Variants in ADAMTS19 observed in about 807,000 individuals in gnomAD.
The protein encoded by ADAMTS19 is ADAM metallopeptidase with thrombospondin type 1 motif 19, also known as A disintegrin and metalloproteinase with thrombospondin motifs 19.
Under a neutral mutation model 153.3 loss-of-function variants are expected in ADAMTS19, and 93 were observed. That is an observed-to-expected ratio of 0.61 (90% CI 0.51 to 0.72). The LOEUF is 0.72. Among genes scored for constraint, ADAMTS19 ranks in the 30% least tolerant of loss-of-function variants. ADAMTS19 has a pLI of 0.00. For synonymous variants in ADAMTS19, 600 were observed against 556.6 expected (o/e 1.08, Z -1.10); for missense variants, 1,482 against 1,552.1 (o/e 0.95, Z 0.76).
At chr5:129,522,332 C>CACATATATATATATAT (rs1309115957) in intron 3 of ADAMTS19, among the ~76,000 whole-genome samples, 41 of 58,604 alleles carry the variant, frequency 7.0e-4, no homozygotes, top group African/African-American at 9.8e-4. Context: ...CACACACACA[C>CACATATATATATATAT]ATATATATAT....
intron 7 of ADAMTS19, among the ~76,000 whole-genome samples, chr5:129,559,836 AC>A (rs1392651787): frequency 1.3e-5 from 2 of 152,182 alleles, no homozygotes; most frequent in Non-Finnish European, 2.9e-5. Flanking sequence ...TTTTTAAAAC[AC>A]ACAAGATGTT....
intron 2 of ADAMTS19, among the ~76,000 whole-genome samples, chr5:129,466,938 T>G (rs1445007274): frequency 1.3e-5 from 2 of 152,254 alleles, no homozygotes; most frequent in Non-Finnish European, 2.9e-5. Flanking sequence ...TGTAGAATGC[T>G]TGATTTTAAA....
At chr5:129,661,719 A>C (rs1416367579) in intron 15 of ADAMTS19, among the ~76,000 whole-genome samples, 1 of 152,240 alleles carries the variant, frequency 6.6e-6, no homozygotes, top group Non-Finnish European at 1.5e-5. Context: ...AGAGGAATAA[A>C]AGGCAAATTA....
At chr5:129,657,002 C>A (rs1753576205) in intron 14 of ADAMTS19, among the ~76,000 whole-genome samples, 2 of 152,214 alleles carry the variant, frequency 1.3e-5, no homozygotes, top group Non-Finnish European at 2.9e-5. Context: ...CTTTTCTTCT[C>A]AATCCAGGAC....
chr5:129,479,171 C>G (rs1299921345), intron 2 of ADAMTS19, among the ~76,000 whole-genome samples: 4 of 152,084 alleles, frequency 2.6e-5, no homozygotes, highest in Non-Finnish European at 5.9e-5. Context: ...TTGTATATGT[C>G]ATGAAGATAC....
intron 18 of ADAMTS19, among the ~76,000 whole-genome samples, chr5:129,688,420 G>A (rs1755184562): frequency 6.6e-6 from 1 of 151,536 alleles, no homozygotes; most frequent in African/African-American, 2.4e-5. Context: ...GTAATAAGTG[G>A]GAAAATAAAC....
chr5:129,690,265 C>A (rs1463055582), intron 18 of ADAMTS19, among the ~76,000 whole-genome samples: 1 of 152,198 alleles, frequency 6.6e-6, no homozygotes, highest in Non-Finnish European at 1.5e-5. Context: ...TACCTCGGTG[C>A]AAAGGCACCC....
chr5:129,516,760 A>T (rs936682275), intron 3 of ADAMTS19, among the ~76,000 whole-genome samples: 1 of 148,744 alleles, frequency 6.7e-6, no homozygotes, highest in Non-Finnish European at 1.5e-5. Context: ...TGTTTTATTG[A>T]TTTTTTTTGT....
rs184364137 is a variant in ADAMTS19 at position 129,462,285 on chromosome 5, C to A, written c.747+528C>A. 3.9e-5 allele frequency among the ~76,000 whole-genome samples: 6 copies of A among 152,304 alleles called. No homozygotes were observed. The East Asian group carries it at 1.2e-3, about 29-fold the overall frequency. On this transcript the variant is annotated intron_variant, in intron 2 of 22. Coordinates refer to ENST00000274487, the MANE Select transcript of ADAMTS19 (RefSeq NM_133638.6). ...GAATTTAAACACATCCAGAGTCATA[C>A]TGGACACCTGTTCACTGTTCTTGTG... is the stretch of plus-strand genomic sequence containing the variant.
At chr5:129,674,490 T>G (rs1754466699) in intron 16 of ADAMTS19, among the ~76,000 whole-genome samples, 2 of 152,142 alleles carry the variant, frequency 1.3e-5, no homozygotes, top group Non-Finnish European at 2.9e-5. Context: ...TTCTCTGGCT[T>G]CTGTTGGACT....
At chr5:129,661,573 C>T (rs1753814302) in intron 15 of ADAMTS19, among the ~76,000 whole-genome samples, 1 of 152,134 alleles carries the variant, frequency 6.6e-6, no homozygotes, top group Non-Finnish European at 1.5e-5. Context: ...TGTTTTCAGT[C>T]CCTGTGCTCT....
chr5:129,506,934 C>T (rs1209494544), intron 2 of ADAMTS19, among the ~76,000 whole-genome samples: 1 of 151,362 alleles, frequency 6.6e-6, no homozygotes, highest in Non-Finnish European at 1.5e-5. Context: ...TCCAAATAAC[C>T]CTATGAAGTT....
intron 3 of ADAMTS19, among the ~76,000 whole-genome samples, chr5:129,521,238 G>C (rs1751786993): frequency 6.6e-6 from 1 of 152,020 alleles, no homozygotes; most frequent in Admixed American, 6.6e-5. Context: ...TAATCAAAAT[G>C]TAATAGTTTG....
rs1442337062 is a variant in ADAMTS19, at chr5:129,578,079, C to CACACACAT, written c.1373-18479_1373-18478insCACACATA. 4.0e-4 allele frequency among the ~76,000 whole-genome samples: 35 copies of CACACACAT among 88,490 alleles called. 2 individuals carry two copies. The highest frequency in any genetic ancestry group is 2.5e-3 in the Admixed American group (21 of 8,274). 58.1% of individuals were successfully genotyped at this position (88,490 alleles called of 152,430 possible). On this transcript the variant is annotated intron_variant, in intron 7 of 22. Transcript: ENST00000274487. Reference sequence around the variant, plus strand: ...ACACACACACACACACACACACACACATATATACATATACATACATATACA... The same window carrying CACACACAT: ...ACACACACACACACACACACACACACACACACATATATATACATATACATACATATACA...
intron 2 of ADAMTS19, among the ~76,000 whole-genome samples, chr5:129,493,927 A>G (rs951159098): frequency 2.6e-5 from 4 of 152,040 alleles, no homozygotes; most frequent in African/African-American, 7.2e-5. Flanking sequence ...TGTCTATTTC[A>G]TAAGAATCAC....
intron 8 of ADAMTS19, among the ~76,000 whole-genome samples, chr5:129,611,090 T>A: frequency 6.6e-6 from 1 of 152,214 alleles, no homozygotes; most frequent in East Asian, 1.9e-4. Flanking sequence ...TGTCTTCTTT[T>A]GAGAAGTGTC....
Position 129,622,301 on chromosome 5 carries a change from TGCCA to T in ADAMTS19, c.1725_1728del (p.Cys575Ter). ...GATGACATACACTGCTGATGAACAA[TGCCA>T]GATCCTTTTTGGGCCATTGGCTTCT... On this transcript the variant is annotated frameshift_variant, in exon 10 of 23. Transcript: ENST00000274487. LOFTEE classifies it high-confidence loss of function. 6.2e-7 allele frequency: 1 copy of T among 1,614,090 alleles called. No individual in the cohort carries two copies.
intron 10 of ADAMTS19, among the ~76,000 whole-genome samples, chr5:129,630,727 T>A (rs1444287134): frequency 6.6e-6 from 1 of 152,052 alleles, no homozygotes; most frequent in East Asian, 1.9e-4. Context: ...CAGAAAATTA[T>A]TGTTTGAAAT....
At chr5:129,466,484 TA>T (rs888582228) in intron 2 of ADAMTS19, among the ~76,000 whole-genome samples, 7 of 151,304 alleles carry the variant, frequency 4.6e-5, no homozygotes, top group South Asian at 2.1e-4. Context: ...CTGCTATCCA[TA>T]AAAAAAAGGT....
Sources: gnomAD v4.1 joint callset for allele counts (sites outside exome capture counted in the v4.1 genomes callset) on GRCh38, gnomAD v4.1.1 for gene constraint, MANE v1.5 for transcripts, NCBI Gene and HGNC (gene_info 2026-07-23, HGNC 2026-07-21) for gene names.